The following TNPO1 variants were observed in gnomAD, a reference collection of about 807,000 sequenced individuals.
TNPO1 encodes transportin-1.
TNPO1 carries 8 observed loss-of-function variants against 119.5 expected under a neutral mutation model. The ratio of observed to expected loss-of-function variants is 0.07; its 90% CI spans 0.04 to 0.12. The LOEUF is 0.12. Among genes scored for constraint, TNPO1 ranks in the 10% least tolerant of loss-of-function variants. The pLI, the probability that TNPO1 is intolerant of heterozygous loss-of-function variation, is 1.00. For synonymous variants in TNPO1, 362 were observed against 363.0 expected, an observed-to-expected ratio of 1.00 and a Z score of 0.03; for missense variants, 576 against 1,089.8, an observed-to-expected ratio of 0.53 and a Z score of 6.64.
intron 2 of TNPO1, 124 bp downstream of exon 2, chr5:72,848,622 C>T (rs1745282137): frequency 2.4e-6 from 1 of 410,228 alleles, no homozygotes; most frequent in Non-Finnish European, 4.0e-6. Flanking sequence ...AGACCGGCCT[C>T]CTCCCTGGGT....
intron 22 of TNPO1, among the ~76,000 whole-genome samples, chr5:72,902,024 G>A (rs1256925578): frequency 2.0e-5 from 3 of 151,718 alleles, no homozygotes; most frequent in African/African-American, 7.3e-5. Flanking sequence ...GCAATGAGCC[G>A]AGATCGCGCT....
chr5:72,874,813 T>C (rs1281326902), intron 7 of TNPO1, among the ~76,000 whole-genome samples: 2 of 152,232 alleles, frequency 1.3e-5, no homozygotes, highest in Admixed American at 6.5e-5. Context: ...ATGCTTGTTT[T>C]ACTGCTTTTA....
chr5:72,861,934 A>G lies in TNPO1; in HGVS notation c.462+20A>G. 1.9e-6 allele frequency: 3 copies of G among 1,567,998 alleles called. No homozygotes were observed. Among genetic ancestry groups the G allele is most frequent in the Non-Finnish European group, 2.6e-6 (3 of 1,138,696 alleles). Reference sequence around the variant, plus strand: ...TGTGAGGTAAGGATATTTGTTTCATACATAATTGGGTGTTTTCTGTTTTTC... The same window carrying G: ...TGTGAGGTAAGGATATTTGTTTCATGCATAATTGGGTGTTTTCTGTTTTTC... On this transcript the variant is annotated intron_variant, in intron 5 of 24. Transcript: ENST00000337273.
chr5:72,879,083 C>T (rs888414481), intron 9 of TNPO1: 11 of 231,874 alleles, frequency 4.7e-5, no homozygotes, highest in Non-Finnish European at 9.2e-5. Context: ...TCACCTCATG[C>T]GTCAACATCT....
chr5:72,899,170 C>T (rs967014524), intron 20 of TNPO1, among the ~76,000 whole-genome samples: 1 of 151,990 alleles, frequency 6.6e-6, no homozygotes, highest in Admixed American at 6.5e-5. Context: ...TGTGCTATAC[C>T]TTTAATAGCA....
intron 7 of TNPO1, among the ~76,000 whole-genome samples, chr5:72,873,656 CTAGAGGTAG>C (rs1747564879): frequency 6.6e-6 from 1 of 152,078 alleles, no homozygotes; most frequent in Non-Finnish European, 1.5e-5. Context: ...TCAGTCTAGT[CTAGAGGTAG>C]TATAATGTAG....
chr5:72,840,339 G>C (rs1322018552), intron 1 of TNPO1, among the ~76,000 whole-genome samples: 1 of 152,024 alleles, frequency 6.6e-6, no homozygotes, highest in African/African-American at 2.4e-5. Context: ...GTAAAATGGA[G>C]ATAATTATAG....
At chr5:72,899,543 T>C (rs1488624485) in intron 20 of TNPO1, among the ~76,000 whole-genome samples, 1 of 152,170 alleles carries the variant, frequency 6.6e-6, no homozygotes. Flanking sequence ...CTGTATTAGT[T>C]TGAGATGCTT....
chr5:72,858,055 T>C (rs1333069292), intron 4 of TNPO1, among the ~76,000 whole-genome samples: 2 of 152,234 alleles, frequency 1.3e-5, no homozygotes, highest in Non-Finnish European at 2.9e-5. Context: ...AGTAGATACT[T>C]AAGTATTCTA....
chr5:72,852,041 T>C (rs1472889637), intron 3 of TNPO1, among the ~76,000 whole-genome samples: 1 of 152,196 alleles, frequency 6.6e-6, no homozygotes, highest in Non-Finnish European at 1.5e-5. Context: ...TGATTATTGT[T>C]GATCTCTTCA....
rs1750421850 is a variant in TNPO1, at chr5:72,909,600, T to C, written c.*927T>C. ...AATTTAAATTAGTGGGAAAGTAGCATGCTTGCATCACATAGAGTGAGATTG... is the reference window on the plus strand; with the variant it reads ...AATTTAAATTAGTGGGAAAGTAGCACGCTTGCATCACATAGAGTGAGATTG... On this transcript the variant is annotated 3_prime_UTR_variant, in exon 25 of 25. Coordinates refer to ENST00000337273, the MANE Select transcript of TNPO1 (RefSeq NM_002270.4). The C allele has an allele frequency of 6.6e-6, 1 of 152,624 alleles. No individual in the cohort carries two copies. Among genetic ancestry groups the C allele is most frequent in the Admixed American group, 6.5e-5 (1 of 15,302 alleles). The allele number at this position is 152,624 out of a possible 1,614,324, so 9.5% of individuals were successfully genotyped here.
intron 22 of TNPO1, 80 bp downstream of exon 22, chr5:72,901,153 TAA>T (rs1443662267): frequency 9.6e-6 from 8 of 832,756 alleles, no homozygotes; most frequent in Non-Finnish European, 1.4e-5. Flanking sequence ...ACTTTAATTA[TAA>T]AAAGTTAACT....
Position 72,897,080 on chromosome 5 carries a change from C to T in TNPO1, c.2267C>T (p.Pro756Leu). 1 of 1,609,442 alleles carries T rather than the reference C, an allele frequency of 6.2e-7. No homozygotes were observed. Residue 756 changes from proline (P) to leucine (L), a missense_variant, in exon 20 of 25, where the codon CCT (proline) becomes CTT (leucine). Pro to Leu is a moderately conservative substitution (Grantham distance 98). Around this residue, in one of 6 missense-constraint regions of TNPO1, gnomAD observed 162 missense variants for 294.1 expected, o/e 0.55. Coordinates refer to ENST00000337273, the MANE Select transcript of TNPO1 (RefSeq NM_002270.4). Reference sequence around the variant, plus strand: ...GGTATAGAGATGCAGCCTTATATTCCTATGGTGTTGCACCAGCTTGTAGAA... The same window carrying T: ...GGTATAGAGATGCAGCCTTATATTCTTATGGTGTTGCACCAGCTTGTAGAA... ...QMGIEMQPYI[P>L]MVLHQLVEII... is the part of the protein sequence containing the mutation.
intron 24 of TNPO1, among the ~76,000 whole-genome samples, chr5:72,907,933 G>T (rs1456635201): frequency 6.6e-6 from 1 of 151,842 alleles, no homozygotes; most frequent in Admixed American, 6.6e-5. Flanking sequence ...ATGTACCTAT[G>T]GTCCCAGCTA....
intron 20 of TNPO1, among the ~76,000 whole-genome samples, chr5:72,897,653 G>A (rs1433059969): frequency 6.7e-6 from 1 of 148,970 alleles, no homozygotes; most frequent in Non-Finnish European, 1.5e-5. Context: ...TTTTTAGGAA[G>A]CTTGTTTCTC....
rs1393528625 is a variant in TNPO1, at chr5:72,889,882, G to A, written c.1626G>A (p.Gln542=). The change falls in exon 14 of 25, where the codon CAG becomes CAA. Residue 542 remains glutamine (Q), a synonymous_variant. Coordinates refer to ENST00000337273, the MANE Select transcript of TNPO1 (RefSeq NM_002270.4). ...DTLVFAFSKY[Q]HKNLLILYDA... Reference sequence around the variant, plus strand: ...TGGTCTTTGCATTTAGTAAATACCAGCATAAGAACCTGCTCATTCTTTACG... The same window carrying A: ...TGGTCTTTGCATTTAGTAAATACCAACATAAGAACCTGCTCATTCTTTACG... The A allele has an allele frequency of 6.8e-6, 11 of 1,613,460 alleles. 1 individual carries two copies. Among genetic ancestry groups the A allele is most frequent in the African/African-American group, 6.7e-5 (5 of 74,830 alleles).
rs111678258 is a variant in TNPO1 at position 72,836,670 on chromosome 5, A to C, written c.16-11715A>C. Among the ~76,000 whole-genome samples, 547 of 152,306 alleles carry C rather than the reference A, an allele frequency of 3.6e-3. 3 individuals carry two copies. Among genetic ancestry groups the C allele is most frequent in the African/African-American group, 0.013 (520 of 41,556 alleles). On this transcript the variant is annotated intron_variant, in intron 1 of 24. Transcript: ENST00000337273. ...AAACAGTCAGGTTCAGAATTTTTCA[A>C]ATCTTTAAGTTCTGCCTTCCTTTTA... is the stretch of plus-strand genomic sequence containing the variant.
At chr5:72,832,084 G>T (rs1333314013) in intron 1 of TNPO1, among the ~76,000 whole-genome samples, 1 of 151,836 alleles carries the variant, frequency 6.6e-6, no homozygotes, top group African/African-American at 2.4e-5. Context: ...GTGTATTTAG[G>T]ATTCTTAGGA....
chr5:72,863,963 G>A (rs1356567779), intron 5 of TNPO1, among the ~76,000 whole-genome samples: 1 of 152,140 alleles, frequency 6.6e-6, no homozygotes, highest in Non-Finnish European at 1.5e-5. Context: ...CTACATAGAA[G>A]TCATACTGTA....
Sources: gnomAD v4.1 joint callset for allele counts (sites outside exome capture counted in the v4.1 genomes callset) on GRCh38, gnomAD v4.1.1 for gene constraint, gnomAD v4.1.1 regional missense constraint, MANE v1.5 for transcripts, NCBI Gene and HGNC (gene_info 2026-07-23, HGNC 2026-07-21) for gene names.